RABGAP1L: variants seen among roughly 807,000 people sequenced by gnomAD.
RABGAP1L encodes RAB GTPase activating protein 1 like, also known as rab GTPase-activating protein 1-like.
A neutral mutation model predicts 137.7 loss-of-function variants in RABGAP1L; 63 were observed. That is an observed-to-expected ratio of 0.46 (90% CI 0.37 to 0.56). The LOEUF is 0.56. RABGAP1L is among the 20% of genes least tolerant of loss of function. The probability of loss-of-function intolerance (pLI) is 0.00; values close to 1 mark genes in which losing one functional copy is unlikely to be tolerated. For synonymous variants in RABGAP1L, 431 were observed against 433.7 expected, an observed-to-expected ratio of 0.99 and a Z score of 0.08; for missense variants, 1,095 against 1,244.0, an observed-to-expected ratio of 0.88 and a Z score of 1.80.
Position 174,327,956 on chromosome 1 carries a change from A to AATATATATATATATATACAT in RABGAP1L, c.1465+22846_1465+22847insCATATATATATATATATATA, listed in dbSNP as rs1553274442. 6.7e-4 allele frequency among the ~76,000 whole-genome samples: 66 copies of AATATATATATATATATACAT among 97,946 alleles called. 1 individual carries two copies. The highest frequency in any genetic ancestry group is 2.7e-3 in the African/African-American group (60 of 22,312). 64.3% of individuals were successfully genotyped at this position (97,946 alleles called of 152,430 possible). A position where few individuals can be genotyped will look rare whatever the true frequency, so the allele number is the denominator to read the frequency against. On this transcript the variant is annotated intron_variant, in intron 11 of 25. Coordinates refer to ENST00000681986, the MANE Select transcript of RABGAP1L (RefSeq NM_001366446.1). ...AGAGCAAAAGGATATAACAGTTGTA[A>AATATATATATATATATACAT]ATATATATATATATATATATATACA...
At chr1:174,234,486 G>A (rs1477856818) in intron 4 of RABGAP1L, among the ~76,000 whole-genome samples, 1 of 145,976 alleles carries the variant, frequency 6.9e-6, no homozygotes, top group African/African-American at 2.8e-5. Flanking sequence ...CCTACATATG[G>A]CTATCCAGTT....
intron 13 of RABGAP1L, among the ~76,000 whole-genome samples, chr1:174,473,718 T>A (rs1480315914): frequency 6.6e-6 from 1 of 152,196 alleles, no homozygotes; most frequent in Admixed American, 6.5e-5. Context: ...ACATCTTGTT[T>A]AGAATCCACA....
intron 11 of RABGAP1L, among the ~76,000 whole-genome samples, chr1:174,349,698 T>A (rs1571342278): frequency 8.4e-6 from 1 of 118,754 alleles, no homozygotes; most frequent in South Asian, 3.1e-4. Flanking sequence ...CACCCCCACC[T>A]CCCTCCCGGA....
chr1:174,747,417 A>C (rs1045032712), intron 17 of RABGAP1L, among the ~76,000 whole-genome samples: 5 of 151,548 alleles, frequency 3.3e-5, no homozygotes, highest in African/African-American at 7.3e-5. Flanking sequence ...AAAAAAAAAA[A>C]AAAAAAAAAC....
chr1:174,795,258 A>G (rs1277061664), intron 18 of RABGAP1L, among the ~76,000 whole-genome samples: 1 of 152,202 alleles, frequency 6.6e-6, no homozygotes, highest in Non-Finnish European at 1.5e-5. Context: ...AAAAGCAGAC[A>G]TAGGACAAGC....
At chr1:174,944,148 C>T (rs1482965771) in intron 19 of RABGAP1L, among the ~76,000 whole-genome samples, 1 of 151,438 alleles carries the variant, frequency 6.6e-6, no homozygotes. Flanking sequence ...TGGTGTGCAC[C>T]TGTAATCCTA....
intron 19 of RABGAP1L, among the ~76,000 whole-genome samples, chr1:174,827,577 A>G (rs1423102549): frequency 1.4e-5 from 2 of 147,860 alleles, no homozygotes; most frequent in Non-Finnish European, 3.0e-5. Context: ...GCTCTGAGCT[A>G]TACCTCCAAT....
intron 17 of RABGAP1L, among the ~76,000 whole-genome samples, chr1:174,720,751 A>G (rs1681462707): frequency 2.0e-5 from 3 of 152,194 alleles, no homozygotes; most frequent in African/African-American, 7.2e-5. Context: ...AGTTTCCTAG[A>G]GTTGAAGAGA....
At chr1:174,949,983 G>A (rs779173489) in intron 19 of RABGAP1L, among the ~76,000 whole-genome samples, 9 of 152,202 alleles carry the variant, frequency 5.9e-5, no homozygotes, top group Admixed American at 2.0e-4. Flanking sequence ...ACATTCTGGA[G>A]TAAGCCACAA....
intron 13 of RABGAP1L, among the ~76,000 whole-genome samples, chr1:174,491,079 G>A (rs907870617): frequency 6.6e-6 from 1 of 151,776 alleles, no homozygotes; most frequent in East Asian, 1.9e-4. Context: ...GGCCTAGCTG[G>A]TACCTAAGAT....
chr1:174,918,067 C>T (rs1661171242), intron 19 of RABGAP1L, among the ~76,000 whole-genome samples: 1 of 151,982 alleles, frequency 6.6e-6, no homozygotes, highest in Non-Finnish European at 1.5e-5. Context: ...GCAGAGTCTT[C>T]TCATCCTGAA....
At chr1:174,804,251 T>G (rs555170176) in intron 18 of RABGAP1L, among the ~76,000 whole-genome samples, 23 of 81,686 alleles carry the variant, frequency 2.8e-4, no homozygotes, top group East Asian at 3.1e-3. Context: ...GATGTTTTTT[T>G]TTTGTTTGTT....
chr1:174,412,860 A>G (rs1291088597), intron 13 of RABGAP1L, among the ~76,000 whole-genome samples: 6 of 152,074 alleles, frequency 3.9e-5, no homozygotes, highest in Non-Finnish European at 7.4e-5. Context: ...CCCTTTGTAC[A>G]TGATCTGACC....
At chr1:174,856,397 TA>T (rs150232187) in intron 19 of RABGAP1L, among the ~76,000 whole-genome samples, 40,448 of 115,144 alleles carry the variant, frequency 0.35, 6,253 homozygotes, top group African/African-American at 0.45. Flanking sequence ...TCCCTCTCAA[TA>T]AAAAAAAAAA....
chr1:174,228,661 G>A (rs1670383782), intron 3 of RABGAP1L, among the ~76,000 whole-genome samples: 1 of 152,136 alleles, frequency 6.6e-6, no homozygotes, highest in Admixed American at 6.5e-5. Flanking sequence ...CATTTTGAAT[G>A]GCTTTAGTTC....
chr1:174,198,673 C>G lies in RABGAP1L; in HGVS notation c.-33-20452C>G, dbSNP rs1371398489. On this transcript the variant is annotated intron_variant, in intron 1 of 25. Transcript: ENST00000681986. ...CTGATCAGCAGCAGCATGCATTGCA[C>G]TGTATTGGGGAATTGAGGTAAAGTA... Among the ~76,000 whole-genome samples the G allele has an allele frequency of 2.6e-5, 4 of 151,758 alleles. 1 individual carries two copies. Among genetic ancestry groups the G allele is most frequent in the Non-Finnish European group, 5.9e-5 (4 of 68,030 alleles).
intron 13 of RABGAP1L, among the ~76,000 whole-genome samples, chr1:174,578,572 C>T (rs898691304): frequency 3.3e-5 from 5 of 152,040 alleles, no homozygotes; most frequent in Non-Finnish European, 7.4e-5. Context: ...TGTAGTATCA[C>T]TTTATTTTCT....
At chr1:174,233,486 C>G (rs375971896) in intron 4 of RABGAP1L, among the ~76,000 whole-genome samples, 1 of 134,446 alleles carries the variant, frequency 7.4e-6, no homozygotes, top group South Asian at 2.2e-4. Context: ...TCATTGTTCA[C>G]TTCCCACCTA....
At chr1:174,946,457 A>G (rs1377885318) in intron 19 of RABGAP1L, among the ~76,000 whole-genome samples, 1 of 152,154 alleles carries the variant, frequency 6.6e-6, no homozygotes, top group Non-Finnish European at 1.5e-5. Flanking sequence ...CTGGCAACAT[A>G]GTGAGACCCA....
Sources: gnomAD v4.1 joint callset for allele counts (sites outside exome capture counted in the v4.1 genomes callset) on GRCh38, gnomAD v4.1.1 for gene constraint, MANE v1.5 for transcripts, NCBI Gene and HGNC (gene_info 2026-07-23, HGNC 2026-07-21) for gene names.